SLC16A7: variants seen among roughly 807,000 people sequenced by gnomAD.
SLC16A7 encodes solute carrier family 16 member 7, also known as monocarboxylate transporter 2.
A neutral mutation model predicts 34.9 loss-of-function variants in SLC16A7; 33 were observed. The observed-to-expected ratio is 0.94, with a 90% confidence interval of 0.72 to 1.26. SLC16A7 has a LOEUF of 1.26. Ranked by LOEUF, SLC16A7 falls within the 50% of genes most tolerant of loss-of-function variation. The pLI is 0.00. For missense variants in SLC16A7, 573 were observed against 578.1 expected (o/e 0.99, Z 0.09); for synonymous variants, 201 against 206.6 (o/e 0.97, Z 0.23).
At chr12:59,630,740 T>G (rs1489857225) in intron 1 of SLC16A7, among the ~76,000 whole-genome samples, 1 of 151,970 alleles carries the variant, frequency 6.6e-6, no homozygotes, top group African/African-American at 2.4e-5. Flanking sequence ...ACACAATAAC[T>G]ATTTCATAAT....
rs1366193637 is a variant in SLC16A7 at position 59,789,203 on chromosome 12, T to C, written c.*9524T>C. 3.3e-5 allele frequency: 5 copies of C among 152,136 alleles called. No individual in the cohort carries two copies. The highest frequency in any genetic ancestry group is 2.1e-4 in the South Asian group (1 of 4,832). The allele number at this position is 152,136 out of a possible 1,614,324, so 9.4% of individuals were successfully genotyped here. On this transcript the variant is annotated 3_prime_UTR_variant, in exon 6 of 6. Transcript: ENST00000547379. ...GGCATAGAGTATTCCTTTATTGAAA[T>C]GAATTGATAGATATTGATTATTAAA...
intron 3 of SLC16A7, among the ~76,000 whole-genome samples, chr12:59,766,499 T>C (rs1324448532): frequency 1.3e-5 from 2 of 152,166 alleles, no homozygotes; most frequent in East Asian, 3.8e-4. Context: ...TTTTGAGATA[T>C]GTCCCATCAA....
At chr12:59,750,755 G>A (rs1386100489) in intron 3 of SLC16A7, among the ~76,000 whole-genome samples, 3 of 152,152 alleles carry the variant, frequency 2.0e-5, no homozygotes, top group African/African-American at 7.2e-5. Context: ...AAAGACACAT[G>A]CACTTGTATG....
chr12:59,610,850 A>G (rs1311968986), intron 1 of SLC16A7, among the ~76,000 whole-genome samples: 1 of 152,240 alleles, frequency 6.6e-6, no homozygotes, highest in Admixed American at 6.5e-5. Context: ...GAATGACAGT[A>G]TGTCTTGTTT....
Position 59,671,883 on chromosome 12 carries a change from A to G in SLC16A7, c.-31+16633A>G, listed in dbSNP as rs144520487. ...TATATGTATATATGTGTATATATGTATATATGTACATATGTATATATACAT... is the reference window on the plus strand; with the variant it reads ...TATATGTATATATGTGTATATATGTGTATATGTACATATGTATATATACAT... On this transcript the variant is annotated intron_variant, in intron 2 of 5. Transcript: ENST00000547379. Among the ~76,000 whole-genome samples, 219 of 122,218 alleles carry G rather than the reference A, an allele frequency of 1.8e-3. 1 individual carries two copies. The highest frequency in any genetic ancestry group is 6.0e-3 in the South Asian group (22 of 3,694). 80.2% of individuals were successfully genotyped at this position (122,218 alleles called of 152,430 possible).
chr12:59,780,012 G>A lies in SLC16A7; in HGVS notation c.*333G>A. On this transcript the variant is annotated 3_prime_UTR_variant, in exon 6 of 6. Transcript: ENST00000547379. The stretch of plus-strand genomic sequence containing the variant: ...GGAGAATTCTGAATCCCAAACCCCT[G>A]GTTTAAGTAGGTAGAAGGAGGATGC... 1 of 197,456 alleles carries A rather than the reference G, an allele frequency of 5.1e-6. No homozygotes were observed. Among genetic ancestry groups the A allele is most frequent in the South Asian group, 9.5e-5 (1 of 10,556 alleles). 12.2% of individuals were successfully genotyped at this position (197,456 alleles called of 1,614,324 possible). A position where few individuals can be genotyped will look rare whatever the true frequency, so the allele number is the denominator to read the frequency against.
chr12:59,633,133 T>C (rs1880259557), intron 1 of SLC16A7, among the ~76,000 whole-genome samples: 1 of 152,042 alleles, frequency 6.6e-6, no homozygotes, highest in Non-Finnish European at 1.5e-5. Context: ...AAATCTGCCA[T>C]GTGCTTGTAC....
chr12:59,618,226 T>C (rs1358803178), intron 1 of SLC16A7, among the ~76,000 whole-genome samples: 1 of 151,952 alleles, frequency 6.6e-6, no homozygotes, highest in East Asian at 1.9e-4. Flanking sequence ...CAACTCAGCA[T>C]CCCTAAATCA....
intron 3 of SLC16A7, among the ~76,000 whole-genome samples, chr12:59,767,112 T>G (rs1233430248): frequency 3.3e-5 from 5 of 151,896 alleles, no homozygotes; most frequent in Admixed American, 2.6e-4. Flanking sequence ...TTCTAGTTTA[T>G]TAGCGAGATT....
chr12:59,732,137 G>T (rs1385398533), intron 3 of SLC16A7, among the ~76,000 whole-genome samples: 2 of 151,902 alleles, frequency 1.3e-5, no homozygotes, highest in Admixed American at 1.3e-4. Flanking sequence ...CTAATTTTTG[G>T]CTGGGCACAG....
chr12:59,722,147 C>A (rs1333039829), intron 3 of SLC16A7, among the ~76,000 whole-genome samples: 1 of 151,910 alleles, frequency 6.6e-6, no homozygotes, highest in Non-Finnish European at 1.5e-5. Flanking sequence ...TCTCTGACTT[C>A]GCATACCTAA....
chr12:59,639,021 T>C (rs1880556291), intron 1 of SLC16A7, among the ~76,000 whole-genome samples: 1 of 152,142 alleles, frequency 6.6e-6, no homozygotes, highest in Non-Finnish European at 1.5e-5. Flanking sequence ...TAAAAGTGCA[T>C]TGGTTATATT....
chr12:59,690,824 G>T (rs1871560162), intron 2 of SLC16A7, among the ~76,000 whole-genome samples: 1 of 151,808 alleles, frequency 6.6e-6, no homozygotes, highest in African/African-American at 2.4e-5. Context: ...CATATTTTGG[G>T]GTGGCATATT....
intron 1 of SLC16A7, among the ~76,000 whole-genome samples, chr12:59,621,820 G>A (rs185091326): frequency 1.4e-3 from 205 of 151,834 alleles, no homozygotes; most frequent in African/African-American, 4.8e-3. Flanking sequence ...GTGGGATGGT[G>A]CTGAGTAATA....
intron 3 of SLC16A7, among the ~76,000 whole-genome samples, chr12:59,726,251 T>G (rs2137223068): frequency 6.6e-6 from 1 of 152,274 alleles, no homozygotes; most frequent in East Asian, 1.9e-4. Flanking sequence ...TGAGACTCTT[T>G]TGAGAAGGGT....
intron 2 of SLC16A7, among the ~76,000 whole-genome samples, chr12:59,691,974 C>T (rs908105850): frequency 1.3e-5 from 2 of 151,958 alleles, no homozygotes; most frequent in Non-Finnish European, 2.9e-5. Context: ...CTGGGGCAGT[C>T]GTAGCAAACT....
intron 2 of SLC16A7, among the ~76,000 whole-genome samples, chr12:59,666,128 AAAC>A (rs1328935446): frequency 2.0e-5 from 3 of 152,282 alleles, no homozygotes; most frequent in Admixed American, 1.3e-4. Flanking sequence ...CTAGAGAGGG[AAAC>A]AACAACAGTT....
intron 2 of SLC16A7, among the ~76,000 whole-genome samples, chr12:59,676,969 T>A (rs1592478344): frequency 6.6e-6 from 1 of 152,330 alleles, no homozygotes; most frequent in Non-Finnish European, 1.5e-5. Context: ...GAAATGAGTT[T>A]ATTCCTTTCC....
rs1883590299 is a variant in SLC16A7, at chr12:59,786,008, G to C, written c.*6329G>C. ...AATGAGAACACATGGACACAGGAAGGGGAACATCACACTCTGGGGACTGTG... is the reference window on the plus strand; with the variant it reads ...AATGAGAACACATGGACACAGGAAGCGGAACATCACACTCTGGGGACTGTG... On this transcript the variant is annotated 3_prime_UTR_variant, in exon 6 of 6. Coordinates refer to ENST00000547379, the MANE Select transcript of SLC16A7 (RefSeq NM_001270623.2). The C allele has an allele frequency of 7.0e-6, 1 of 143,394 alleles. No homozygotes were observed. Among genetic ancestry groups the C allele is most frequent in the African/African-American group, 2.6e-5 (1 of 38,630 alleles). 8.9% of individuals were successfully genotyped at this position (143,394 alleles called of 1,614,324 possible). A position where few individuals can be genotyped will look rare whatever the true frequency, so the allele number is the denominator to read the frequency against.
Sources: allele counts gnomAD v4.1 joint callset (sites outside exome capture counted in the v4.1 genomes callset), GRCh38; gene constraint gnomAD v4.1.1; transcripts MANE v1.5; gene names NCBI Gene and HGNC (gene_info 2026-07-23, HGNC 2026-07-21).